The following SCN8A variants were observed in gnomAD, a reference collection of about 807,000 sequenced individuals.
SCN8A encodes sodium channel protein type 8 subunit alpha.
A neutral mutation model predicts 184.1 loss-of-function variants in SCN8A; 30 were observed. That is an observed-to-expected ratio of 0.16 (90% CI 0.12 to 0.22). SCN8A has a LOEUF of 0.22. Ranked by LOEUF, SCN8A falls within the 10% of genes least tolerant of loss-of-function variation. SCN8A has a pLI of 1.00. For synonymous variants in SCN8A, 852 were observed against 907.0 expected (o/e 0.94, Z 1.09); for missense variants, 1,057 against 2,498.9 (o/e 0.42, Z 12.30).
chr12:51,610,717 A>G (rs753559108), intron 1 of SCN8A, among the ~76,000 whole-genome samples: 2 of 152,194 alleles, frequency 1.3e-5, no homozygotes, highest in Non-Finnish European at 2.9e-5. Flanking sequence ...GCCTGAAGAT[A>G]GGGTCCCAAT....
intron 1 of SCN8A, among the ~76,000 whole-genome samples, chr12:51,623,938 A>G (rs1178125361): frequency 1.3e-5 from 2 of 152,244 alleles, no homozygotes; most frequent in South Asian, 2.1e-4. Context: ...TACAAAGGAC[A>G]TGAACTCATC....
chr12:51,779,071 C>A (rs538689095), intron 20 of SCN8A, among the ~76,000 whole-genome samples: 11 of 151,852 alleles, frequency 7.2e-5, no homozygotes, highest in African/African-American at 2.7e-4. Context: ...CAAAATTAGC[C>A]GGGCATGGTG....
At chr12:51,668,627 TG>T (rs1471090850) in intron 2 of SCN8A, among the ~76,000 whole-genome samples, 2 of 152,168 alleles carry the variant, frequency 1.3e-5, no homozygotes, top group African/African-American at 4.8e-5. Context: ...GCAGTGCTTC[TG>T]GGGGAAAGGA....
At chr12:51,709,715 A>G (rs1392196274) in intron 11 of SCN8A, among the ~76,000 whole-genome samples, 3 of 152,076 alleles carry the variant, frequency 2.0e-5, no homozygotes, top group African/African-American at 7.3e-5. Context: ...GCATGTTTAT[A>G]CTTTGTGGAA....
intron 1 of SCN8A, among the ~76,000 whole-genome samples, chr12:51,616,621 C>T (rs1274155394): frequency 6.6e-6 from 1 of 151,666 alleles, no homozygotes; most frequent in African/African-American, 2.4e-5. Context: ...AACAAACAAA[C>T]AAAAAGTGTT....
intron 21 of SCN8A, among the ~76,000 whole-genome samples, chr12:51,785,136 C>T (rs1189463422): frequency 2.6e-5 from 4 of 152,136 alleles, no homozygotes; most frequent in Admixed American, 6.5e-5. Context: ...TTGGTGCTCC[C>T]GCCAAAGGGT....
chr12:51,794,708 C>A, intron 26 of SCN8A, 67 bp downstream of exon 26: 1 of 1,487,950 alleles, frequency 6.7e-7, no homozygotes, highest in Non-Finnish European at 9.2e-7. Flanking sequence ...TGAGATTTCC[C>A]AGGAGAGGAA....
chr12:51,654,678 C>T (rs1940786106), intron 1 of SCN8A, among the ~76,000 whole-genome samples: 1 of 151,500 alleles, frequency 6.6e-6, no homozygotes. Flanking sequence ...TTTAATTTTC[C>T]CCTTAAATCT....
In SCN8A at chr12:51,706,734, T is replaced by C. The variant is rs1941792241; in HGVS notation, c.1635+19T>C. The C allele has an allele frequency of 6.8e-7, 1 of 1,476,164 alleles. No homozygotes were observed. The highest frequency in any genetic ancestry group is 2.6e-5 in the Admixed American group (1 of 38,810). 91.4% of individuals were successfully genotyped at this position (1,476,164 alleles called of 1,614,324 possible). A position where few individuals can be genotyped will look rare whatever the true frequency, so the allele number is the denominator to read the frequency against. On this transcript the variant is annotated intron_variant, in intron 11 of 26. Coordinates refer to ENST00000627620, the MANE Select transcript of SCN8A (RefSeq NM_001330260.2). ...GAATCAGGTAAACTCTTCTTTTTTC[T>C]ATACCTTTTTCAAAAATGTATTTTT...
intron 1 of SCN8A, among the ~76,000 whole-genome samples, chr12:51,593,238 T>C (rs1939271063): frequency 6.6e-6 from 1 of 152,130 alleles, no homozygotes; most frequent in Admixed American, 6.5e-5. Flanking sequence ...GTCCTAGAAA[T>C]TGAGGTCCTC....
chr12:51,593,228 G>A (rs1170068172), intron 1 of SCN8A, among the ~76,000 whole-genome samples: 1 of 152,142 alleles, frequency 6.6e-6, no homozygotes. Flanking sequence ...CGCATTCCCT[G>A]TCCTAGAAAT....
At chr12:51,774,988 G>C (rs1259330752) in intron 20 of SCN8A, among the ~76,000 whole-genome samples, 1 of 152,196 alleles carries the variant, frequency 6.6e-6, no homozygotes, top group Non-Finnish European at 1.5e-5. Flanking sequence ...TCCGAGGTTT[G>C]CTGGCCATGA....
chr12:51,658,505 C>A (rs886841067), intron 1 of SCN8A, among the ~76,000 whole-genome samples: 1 of 152,060 alleles, frequency 6.6e-6, no homozygotes, highest in Admixed American at 6.6e-5. Flanking sequence ...AGTACTGATA[C>A]ATGCTACATT....
intron 1 of SCN8A, among the ~76,000 whole-genome samples, chr12:51,603,479 A>G (rs1476781690): frequency 2.0e-5 from 3 of 152,210 alleles, no homozygotes; most frequent in African/African-American, 7.2e-5. Flanking sequence ...GTGATTATGA[A>G]TAGTACTTCT....
At chr12:51,786,870 C>G in intron 22 of SCN8A, 44 bp downstream of exon 22, 1 of 1,558,916 alleles carries the variant, frequency 6.4e-7, no homozygotes, top group Non-Finnish European at 8.7e-7. Context: ...CTGTGAAATT[C>G]AGGCAGCTAG....
chr12:51,627,158 G>T (rs1450005564), intron 1 of SCN8A, among the ~76,000 whole-genome samples: 1 of 152,130 alleles, frequency 6.6e-6, no homozygotes, highest in African/African-American at 2.4e-5. Context: ...ACTTATTCTA[G>T]TGTTGGTTTT....
At chr12:51,624,301 A>T (rs1940028163) in intron 1 of SCN8A, among the ~76,000 whole-genome samples, 1 of 152,214 alleles carries the variant, frequency 6.6e-6, no homozygotes, top group South Asian at 2.1e-4. Flanking sequence ...AATGATCGCC[A>T]TTCTAACTGG....
At chr12:51,800,411 AC>A (rs980030508) in intron 26 of SCN8A, among the ~76,000 whole-genome samples, 1 of 152,016 alleles carries the variant, frequency 6.6e-6, no homozygotes, top group African/African-American at 2.4e-5. Context: ...GGGAATCACC[AC>A]CCCTGCATCT....
At chr12:51,634,077 A>G (rs888110226) in intron 1 of SCN8A, among the ~76,000 whole-genome samples, 1 of 152,230 alleles carries the variant, frequency 6.6e-6, no homozygotes, top group African/African-American at 2.4e-5. Flanking sequence ...GAGTGGATAA[A>G]TTATCTTAGA....
Sources: allele counts gnomAD v4.1 joint callset (sites outside exome capture counted in the v4.1 genomes callset), GRCh38; gene constraint gnomAD v4.1.1; transcripts MANE v1.5; gene names NCBI Gene and HGNC (gene_info 2026-07-23, HGNC 2026-07-21).